Variants in GPR55 observed in about 807,000 individuals in gnomAD.
The protein encoded by GPR55 is G protein-coupled receptor 55, also known as G-protein coupled receptor 55.
A neutral mutation model predicts 7.9 loss-of-function variants in GPR55; 6 were observed. The ratio of observed to expected loss-of-function variants is 0.76; its 90% CI spans 0.41 to 1.49. The LOEUF is 1.49. Among genes scored for constraint, GPR55 ranks in the 40% most tolerant of loss-of-function variants. GPR55 has a pLI of 0.01. For missense variants in GPR55, 376 were observed against 406.0 expected, an observed-to-expected ratio of 0.93 and a Z score of 0.63; for synonymous variants, 183 against 166.8, an observed-to-expected ratio of 1.10 and a Z score of -0.75.
chr2:230,915,369 G>A (rs1446560422), intron 1 of GPR55, among the ~76,000 whole-genome samples: 2 of 152,242 alleles, frequency 1.3e-5, no homozygotes, highest in African/African-American at 4.8e-5. Flanking sequence ...GTGGAGTGCT[G>A]CCTTTCTACC....
chr2:230,925,467 C>T (rs553319970), upstream of GPR55, among the ~76,000 whole-genome samples: 4 of 152,152 alleles, frequency 2.6e-5, no homozygotes, highest in East Asian at 1.9e-4. Context: ...TGCACGCCCC[C>T]CTCCCGCAGC....
Position 230,924,493 on chromosome 2 carries a change from A to G in GPR55, c.-135+675T>C, listed in dbSNP as rs1690905075. On this transcript the variant is annotated intron_variant, in intron 1 of 1. Coordinates refer to ENST00000650999, the MANE Select transcript of GPR55 (RefSeq NM_005683.4). The surrounding 1 kb of genome is among the most constrained non-coding windows in gnomAD (Gnocchi z 4.5). Reference sequence around the variant, plus strand: ...TCTTCCCGCCCAGCCTCTCCAAGAGACACTTGGCTAGGGTTAGAGAACAAT... The same window carrying G: ...TCTTCCCGCCCAGCCTCTCCAAGAGGCACTTGGCTAGGGTTAGAGAACAAT... The G allele has an allele frequency of 6.6e-6, 1 of 152,226 alleles. No individual in the cohort carries two copies. Among genetic ancestry groups the G allele is most frequent in the Admixed American group, 6.5e-5 (1 of 15,286 alleles). The allele number at this position is 152,226 out of a possible 1,614,324, so 9.4% of individuals were successfully genotyped here.
intron 1 of GPR55, 126 bp from the exon 2 acceptor site, chr2:230,911,222 G>T (rs1559169501): frequency 4.3e-6 from 2 of 466,872 alleles, no homozygotes; most frequent in East Asian, 3.5e-5. Flanking sequence ...ATTTTTCTTT[G>T]ACAAATATAG....
chr2:230,945,907 G>A (rs1691305930), intron 1 of GPR55, among the ~76,000 whole-genome samples: 1 of 152,156 alleles, frequency 6.6e-6, no homozygotes, highest in African/African-American at 2.4e-5. Context: ...CTAAGATAAT[G>A]GCATGGTAGT....
intron 1 of GPR55, among the ~76,000 whole-genome samples, chr2:230,920,797 A>G (rs1690814482): frequency 6.6e-6 from 1 of 152,186 alleles, no homozygotes; most frequent in Non-Finnish European, 1.5e-5. Flanking sequence ...CTGAAAATGA[A>G]AAAACTATAA....
intron 1 of GPR55, among the ~76,000 whole-genome samples, chr2:230,912,415 C>A (rs1472749384): frequency 1.3e-5 from 2 of 152,046 alleles, no homozygotes; most frequent in Non-Finnish European, 2.9e-5. Context: ...ACCACTGCAG[C>A]TATTTATTTT....
chr2:230,920,281 G>A (rs1438474851), intron 1 of GPR55, among the ~76,000 whole-genome samples: 6 of 152,176 alleles, frequency 3.9e-5, no homozygotes, highest in Non-Finnish European at 5.9e-5. Context: ...ATGGCAGGGC[G>A]CAAGGTTTAC....
chr2:230,908,007 A>G lies in GPR55; in HGVS notation c.*1996T>C, dbSNP rs1198198214. ...GTAGACACTGACCCGAACCAGCCCCAAATGCCCCGTTGCATGTGAAAGTCT... is the reference window on the plus strand; with the variant it reads ...GTAGACACTGACCCGAACCAGCCCCGAATGCCCCGTTGCATGTGAAAGTCT... On this transcript the variant is annotated 3_prime_UTR_variant, in exon 2 of 2. Coordinates refer to ENST00000650999, the MANE Select transcript of GPR55 (RefSeq NM_005683.4). 2 of 151,848 alleles carry G rather than the reference A, an allele frequency of 1.3e-5. No individual in the cohort carries two copies. The highest frequency in any genetic ancestry group is 2.9e-5 in the Non-Finnish European group (2 of 68,028). The allele number at this position is 151,848 out of a possible 1,614,324, so 9.4% of individuals were successfully genotyped here. A position where few individuals can be genotyped will look rare whatever the true frequency, so the allele number is the denominator to read the frequency against.
intron 1 of GPR55, among the ~76,000 whole-genome samples, chr2:230,939,477 C>T (rs146076969): frequency 6.6e-6 from 1 of 152,296 alleles, no homozygotes; most frequent in African/African-American, 2.4e-5. Context: ...GGAAGTGGCC[C>T]ATTTTGTTGC....
At chr2:230,931,755 T>C (rs543020090) in intron 1 of GPR55, among the ~76,000 whole-genome samples, 1 of 152,142 alleles carries the variant, frequency 6.6e-6, no homozygotes, top group East Asian at 1.9e-4. Flanking sequence ...CATGAGAGCA[T>C]GCGGGGCCCC....
At chr2:230,919,798 C>T (rs1690793740) in intron 1 of GPR55, among the ~76,000 whole-genome samples, 1 of 152,058 alleles carries the variant, frequency 6.6e-6, no homozygotes, top group Non-Finnish European at 1.5e-5. Context: ...GTAAAAAATA[C>T]ATACACACAT....
At chr2:230,937,233 C>T (rs1039963906) in intron 1 of GPR55, among the ~76,000 whole-genome samples, 3 of 151,680 alleles carry the variant, frequency 2.0e-5, no homozygotes, top group Admixed American at 6.6e-5. Flanking sequence ...AGTAAGACCC[C>T]GTCTCTACAA....
At chr2:230,931,989 G>A (rs530450925) in intron 1 of GPR55, among the ~76,000 whole-genome samples, 50 of 152,074 alleles carry the variant, frequency 3.3e-4, no homozygotes, top group Non-Finnish European at 6.2e-4. Context: ...CGGTCCCGTC[G>A]AGGCCACTCC....
chr2:230,948,993 A>AG (rs928304466), intron 1 of GPR55, among the ~76,000 whole-genome samples: 1 of 152,128 alleles, frequency 6.6e-6, no homozygotes, highest in Non-Finnish European at 1.5e-5. Flanking sequence ...AATCTGAGCC[A>AG]GGGGGGTCAA....
At position 230,908,080 on chromosome 2, in the gene GPR55, G is replaced by T; in HGVS notation, c.*1923C>A. ...TGGGTCTCTGTCTAGGGTGGCCATG[G>T]GAGAGGGCAGCCTGCAGGCAAGGAG... On this transcript the variant is annotated 3_prime_UTR_variant, in exon 2 of 2. Coordinates refer to ENST00000650999, the MANE Select transcript of GPR55 (RefSeq NM_005683.4). 1 of 152,524 alleles carries T rather than the reference G, an allele frequency of 6.6e-6. No homozygotes were observed. Among genetic ancestry groups the T allele is most frequent in the African/African-American group, 2.4e-5 (1 of 41,568 alleles). The allele number at this position is 152,524 out of a possible 1,614,324, so 9.4% of individuals were successfully genotyped here.
rs1485930939 is a variant in GPR55 at position 230,910,533 on chromosome 2, T to C, written c.430A>G (p.Thr144Ala). 6.2e-7 allele frequency: 1 copy of C among 1,614,130 alleles called. No individual in the cohort carries two copies. Among genetic ancestry groups the C allele is most frequent in the Admixed American group, 1.7e-5 (1 of 60,020 alleles). The change falls in exon 2 of 2, where the codon ACC (threonine) becomes GCC (alanine). Residue 144 changes from threonine (T) to alanine (A), a missense_variant. Coordinates refer to ENST00000650999, the MANE Select transcript of GPR55 (RefSeq NM_005683.4). This position sits in a 1 kb window ranked among gnomAD's most constrained non-coding sequence, Gnocchi z 5.4. Reference sequence around the variant, plus strand: ...CCGGTCCACACCAGGACCCAGATGGTGCAGCAGATCCCAAAGATCTTCCTG... The same window carrying C: ...CCGGTCCACACCAGGACCCAGATGGCGCAGCAGATCCCAAAGATCTTCCTG... ...SPRKIFGICC[T>A]IWVLVWTGSI...
chr2:230,911,793 G>T (rs1166873315), intron 1 of GPR55, among the ~76,000 whole-genome samples: 1 of 152,198 alleles, frequency 6.6e-6, no homozygotes, highest in Non-Finnish European at 1.5e-5. Flanking sequence ...ACAGGGCAAG[G>T]AAAGGCCTTT....
At chr2:230,938,935 G>A (rs762185904) in intron 1 of GPR55, among the ~76,000 whole-genome samples, 9 of 152,088 alleles carry the variant, frequency 5.9e-5, no homozygotes, top group Admixed American at 1.3e-4. Context: ...ATTAAATATC[G>A]CCCCCAAGTA....
At chr2:230,914,333 C>T (rs1337319797) in intron 1 of GPR55, among the ~76,000 whole-genome samples, 1 of 152,066 alleles carries the variant, frequency 6.6e-6, no homozygotes, top group Non-Finnish European at 1.5e-5. Flanking sequence ...TTTGAATTAC[C>T]GACAGACTTC....
Sources: allele counts gnomAD v4.1 joint callset (sites outside exome capture counted in the v4.1 genomes callset), GRCh38; gene constraint gnomAD v4.1.1; non-coding constraint Gnocchi (gnomAD v3.1); transcripts MANE v1.5; gene names NCBI Gene and HGNC (gene_info 2026-07-23, HGNC 2026-07-21).